SPMAP2L: variants seen among roughly 807,000 people sequenced by gnomAD.
The protein encoded by SPMAP2L is sperm microtubule associated protein 2 like, also known as sperm microtubule associated protein 2-like.
chr4:56,591,723 G>A, the SPMAP2L span, among the ~76,000 whole-genome samples: 1 of 152,192 alleles, frequency 6.6e-6, no homozygotes, highest in Non-Finnish European at 1.5e-5. Context: ...TTGAATACAA[G>A]TAATTTAAAT....
chr4:56,555,016 T>G, the SPMAP2L span, among the ~76,000 whole-genome samples: 1 of 150,418 alleles, frequency 6.6e-6, no homozygotes, highest in South Asian at 2.1e-4. Flanking sequence ...CTCGGCTCAC[T>G]GTGACTGCAA....
chr4:56,535,697 C>A, the SPMAP2L span, among the ~76,000 whole-genome samples: 2 of 152,178 alleles, frequency 1.3e-5, no homozygotes, highest in Non-Finnish European at 2.9e-5. Context: ...AGGTCCACTG[C>A]AGTAGCCTCC....
chr4:56,576,795 T>C, the SPMAP2L span, among the ~76,000 whole-genome samples: 2 of 152,228 alleles, frequency 1.3e-5, no homozygotes, highest in Non-Finnish European at 2.9e-5. Context: ...AATGTGTCTA[T>C]AGTTATAAAC....
chr4:56,587,425 G>C, the SPMAP2L span, among the ~76,000 whole-genome samples: 48 of 152,076 alleles, frequency 3.2e-4, no homozygotes, highest in South Asian at 7.1e-3. Context: ...CACCCAAGCA[G>C]TCTACACAGC....
chr4:56,597,702 A>G, the SPMAP2L span, among the ~76,000 whole-genome samples: 1 of 152,066 alleles, frequency 6.6e-6, no homozygotes, highest in African/African-American at 2.4e-5. Context: ...GTTTGGGTTT[A>G]TTTTATTTTT....
At chr4:56,593,070 A>G in the SPMAP2L span, 6 of 1,582,742 alleles carry the variant, frequency 3.8e-6, no homozygotes, top group East Asian at 8.9e-5. Context: ...GGCATGGGCT[A>G]TTGTAACTGC....
At chr4:56,595,717 C>T in the SPMAP2L span, 1 of 982,974 alleles carries the variant, frequency 1.0e-6, no homozygotes. Context: ...AGGGCCTCTT[C>T]TTAGTCCTCT....
the SPMAP2L span, among the ~76,000 whole-genome samples, chr4:56,545,457 C>T: frequency 1.3e-5 from 2 of 152,070 alleles, no homozygotes; most frequent in Non-Finnish European, 1.5e-5. Flanking sequence ...TTCATGGCTA[C>T]GTGTGGTGAC....
the SPMAP2L span, among the ~76,000 whole-genome samples, chr4:56,612,856 C>T: frequency 1.3e-5 from 2 of 152,174 alleles, no homozygotes; most frequent in East Asian, 1.9e-4. Flanking sequence ...AGTGAGCCCC[C>T]ACGCCCGGCC....
chr4:56,573,981 T>C, the SPMAP2L span, among the ~76,000 whole-genome samples: 54 of 152,312 alleles, frequency 3.5e-4, no homozygotes, highest in African/African-American at 1.3e-3. Flanking sequence ...GTGAACGTCC[T>C]AAAGGAACAG....
chr4:56,534,158 C>G, the SPMAP2L span, among the ~76,000 whole-genome samples: 26 of 152,134 alleles, frequency 1.7e-4, no homozygotes, highest in Admixed American at 7.2e-4. Context: ...TCCTCTTTCC[C>G]CCTTTTTCCC....
the SPMAP2L span, among the ~76,000 whole-genome samples, chr4:56,582,562 A>G: frequency 2.0e-5 from 3 of 152,220 alleles, no homozygotes; most frequent in Non-Finnish European, 4.4e-5. Context: ...ATCAACAAAA[A>G]AAACAGGTTG....
At chr4:56,573,059 C>T in the SPMAP2L span, among the ~76,000 whole-genome samples, 4 of 151,444 alleles carry the variant, frequency 2.6e-5, no homozygotes, top group Non-Finnish European at 4.4e-5. Context: ...ACATTGACAG[C>T]GCTGTGAGAC....
chr4:56,601,945 A>G, the SPMAP2L span, among the ~76,000 whole-genome samples: 3 of 152,234 alleles, frequency 2.0e-5, no homozygotes, highest in Admixed American at 6.5e-5. Flanking sequence ...ATATGCCTGT[A>G]GTATCTCAGA....
the SPMAP2L span, among the ~76,000 whole-genome samples, chr4:56,621,836 G>C: frequency 6.6e-6 from 1 of 152,180 alleles, no homozygotes; most frequent in Admixed American, 6.5e-5. Context: ...GAAAAGGAAA[G>C]GGAGAGAGAA....
At chr4:56,613,933 G>C in the SPMAP2L span, among the ~76,000 whole-genome samples, 1,205 of 152,330 alleles carry the variant, frequency 7.9e-3, 7 homozygotes, top group Non-Finnish European at 0.012. Context: ...AAGACGAATA[G>C]CGCTGTCAGT....
the SPMAP2L span, among the ~76,000 whole-genome samples, chr4:56,590,160 G>A: frequency 6.6e-6 from 1 of 152,128 alleles, no homozygotes; most frequent in South Asian, 2.1e-4. Flanking sequence ...GTCATAGAGG[G>A]CTCTTATTAC....
At chr4:56,562,746 C>T in the SPMAP2L span, among the ~76,000 whole-genome samples, 4 of 147,654 alleles carry the variant, frequency 2.7e-5, no homozygotes, top group Admixed American at 1.4e-4. Flanking sequence ...CTACTGTAGG[C>T]TTACAATTCA....
chr4:56,594,734 G>A, the SPMAP2L span: 7 of 1,466,228 alleles, frequency 4.8e-6, no homozygotes, highest in Admixed American at 1.7e-5. Flanking sequence ...GGAGAACCTA[G>A]CAGCCATCAT....
Sources: gnomAD v4.1 joint callset for allele counts (sites outside exome capture counted in the v4.1 genomes callset) on GRCh38, gnomAD v4.1.1 for gene constraint, MANE v1.5 for transcripts, NCBI Gene and HGNC (gene_info 2026-07-23, HGNC 2026-07-21) for gene names.